KIAA0825: variants seen among roughly 807,000 people sequenced by gnomAD.
KIAA0825 encodes KIAA0825.
In KIAA0825, 119 loss-of-function variants were observed where a neutral mutation model predicts 147.6. That is an observed-to-expected ratio of 0.81 (90% confidence interval 0.69 to 0.94). The LOEUF is 0.94. Among genes scored for constraint, KIAA0825 ranks in the 40% least tolerant of loss-of-function variants. The pLI is 0.00. For synonymous variants in KIAA0825, 470 were observed against 518.1 expected (o/e 0.91, Z 1.26); for missense variants, 1,381 against 1,472.7 (o/e 0.94, Z 1.02).
intron 8 of KIAA0825, among the ~76,000 whole-genome samples, chr5:94,472,908 G>C (rs917978455): frequency 1.2e-4 from 19 of 152,274 alleles, no homozygotes; most frequent in African/African-American, 4.1e-4. Context: ...GAGATGAAAA[G>C]CTCATTAAGG....
chr5:94,569,068 G>C, intron 2 of KIAA0825: 1 of 170,850 alleles, frequency 5.9e-6, no homozygotes. Flanking sequence ...CCGAATCAAT[G>C]CTGGCCCCTC....
At position 94,152,716 on chromosome 5, in the gene KIAA0825, G is replaced by A. The variant is rs1426177683; in HGVS notation, c.*1291C>T. On this transcript the variant is annotated 3_prime_UTR_variant, in exon 21 of 21. Transcript: ENST00000682413. ...TGTAGTTCTAGCTACTCAGGAGGCT[G>A]AGGTGGGAGTATTGCTTGAGCCTAT... Among the ~76,000 whole-genome samples, 3 of 146,896 alleles carry A rather than the reference G, an allele frequency of 2.0e-5. No individual in the cohort carries two copies. Among genetic ancestry groups the A allele is most frequent in the East Asian group, 4.0e-4 (2 of 4,962 alleles).
chr5:94,403,699 A>T lies in KIAA0825; in HGVS notation c.2757T>A (p.Ser919=). 1 of 1,551,588 alleles carries T rather than the reference A, an allele frequency of 6.4e-7. No individual in the cohort carries two copies. The highest frequency in any genetic ancestry group is 1.4e-5 in the African/African-American group (1 of 73,164). ...AIKDTVQQIV[S]VMSSRRNCET... Reference sequence around the variant, plus strand: ...CACAGTTTCTCCTAGAACTCATTACAGATACTATCTGCTGTACAGTGTCCT... The same window carrying T: ...CACAGTTTCTCCTAGAACTCATTACTGATACTATCTGCTGTACAGTGTCCT... Residue 919 remains serine, a synonymous_variant, in exon 16 of 21, where the codon TCT becomes TCA. Coordinates refer to ENST00000682413, the MANE Select transcript of KIAA0825 (RefSeq NM_001145678.3).
intron 20 of KIAA0825, among the ~76,000 whole-genome samples, chr5:94,239,129 T>A (rs1380408696): frequency 6.6e-6 from 1 of 152,064 alleles, no homozygotes; most frequent in Non-Finnish European, 1.5e-5. Flanking sequence ...CTAGGAAAAA[T>A]GAATGGAATG....
chr5:94,515,556 C>A (rs901393587), intron 5 of KIAA0825, among the ~76,000 whole-genome samples: 17 of 152,114 alleles, frequency 1.1e-4, no homozygotes, highest in African/African-American at 3.6e-4. Context: ...CTTTGGGAGG[C>A]CAAGGCGGGT....
At chr5:94,610,896 C>T (rs2152438604) in intron 1 of KIAA0825, among the ~76,000 whole-genome samples, 1 of 151,088 alleles carries the variant, frequency 6.6e-6, no homozygotes, top group Admixed American at 6.6e-5. Context: ...CAGTATAACG[C>T]TCTTCAAAAT....
intron 12 of KIAA0825, among the ~76,000 whole-genome samples, chr5:94,453,930 T>C (rs1191117539): frequency 6.6e-6 from 1 of 151,866 alleles, no homozygotes; most frequent in African/African-American, 2.4e-5. Flanking sequence ...TTAATTAGAA[T>C]TTATAATTAA....
chr5:94,337,324 A>T (rs1160538767), intron 20 of KIAA0825, among the ~76,000 whole-genome samples: 2 of 152,144 alleles, frequency 1.3e-5, no homozygotes, highest in Non-Finnish European at 2.9e-5. Context: ...AACTTGTGTG[A>T]ATTTTGTAAT....
chr5:94,433,326 G>A lies in KIAA0825; in HGVS notation c.2497+6656C>T, dbSNP rs567459318. ...ACAGGCGTGAGCCACCGTGCCCGGC[G>A]ATTCATTCATTTTAAGGCAACAGTT... On this transcript the variant is annotated intron_variant, in intron 14 of 20. Transcript: ENST00000682413. Among the ~76,000 whole-genome samples the A allele has an allele frequency of 3.9e-5, 6 of 152,242 alleles. No homozygotes were observed. The East Asian group carries it at 5.8e-4, about 15-fold the overall frequency.
intron 20 of KIAA0825, among the ~76,000 whole-genome samples, chr5:94,175,944 A>T (rs1055556225): frequency 6.6e-6 from 1 of 152,140 alleles, no homozygotes; most frequent in African/African-American, 2.4e-5. Context: ...ATCCTCATTG[A>T]TGTCTAAATT....
intron 14 of KIAA0825, among the ~76,000 whole-genome samples, chr5:94,417,677 C>G (rs531594659): frequency 4.6e-4 from 70 of 152,226 alleles, no homozygotes; most frequent in Non-Finnish European, 7.9e-4. Context: ...TCTTCTTTCT[C>G]TTAAGGAAAA....
intron 20 of KIAA0825, among the ~76,000 whole-genome samples, chr5:94,372,777 T>G (rs961898112): frequency 6.6e-6 from 1 of 152,256 alleles, no homozygotes; most frequent in Non-Finnish European, 1.5e-5. Flanking sequence ...TATGCAAATT[T>G]CTGCAGTGGG....
intron 20 of KIAA0825, among the ~76,000 whole-genome samples, chr5:94,259,264 G>A (rs1295198573): frequency 6.6e-6 from 1 of 151,930 alleles, no homozygotes; most frequent in Non-Finnish European, 1.5e-5. Context: ...CATTTTATCT[G>A]TAACAGGGAA....
intron 13 of KIAA0825, among the ~76,000 whole-genome samples, chr5:94,446,725 G>A (rs762407658): frequency 9.9e-5 from 15 of 152,088 alleles, no homozygotes; most frequent in South Asian, 2.1e-4. Flanking sequence ...TAAGGATAAC[G>A]GTGAATTCAT....
chr5:94,500,840 C>T (rs774130618), intron 5 of KIAA0825, among the ~76,000 whole-genome samples: 1 of 152,236 alleles, frequency 6.6e-6, no homozygotes, highest in East Asian at 1.9e-4. Context: ...TGCAATGGCT[C>T]GATCTCAGCT....
At chr5:94,344,264 T>TA (rs1172054496) in intron 20 of KIAA0825, among the ~76,000 whole-genome samples, 3 of 152,026 alleles carry the variant, frequency 2.0e-5, no homozygotes, top group Non-Finnish European at 4.4e-5. Context: ...TACACAGTAA[T>TA]AAAAAATATA....
intron 1 of KIAA0825, among the ~76,000 whole-genome samples, chr5:94,614,484 C>T (rs973088155): frequency 5.9e-5 from 9 of 152,210 alleles, no homozygotes; most frequent in African/African-American, 2.2e-4. Context: ...CAGTTATCTA[C>T]AGCTTGTCCT....
chr5:94,285,926 A>G (rs1238244455), intron 20 of KIAA0825, among the ~76,000 whole-genome samples: 1 of 152,168 alleles, frequency 6.6e-6, no homozygotes, highest in Non-Finnish European at 1.5e-5. Context: ...GCTAGTCCTC[A>G]AAGAAACTTT....
Position 94,386,388 on chromosome 5 carries a change from T to C in KIAA0825, c.3473A>G (p.Gln1158Arg). The change falls in exon 19 of 21, where the codon CAG becomes CGG. Residue 1158 changes from glutamine to arginine, a missense_variant. Coordinates refer to ENST00000682413, the MANE Select transcript of KIAA0825 (RefSeq NM_001145678.3). ...MQLNEEYLKEQLFSMNSSEEK... is the reference protein window; with the variant it reads ...MQLNEEYLKERLFSMNSSEEK... ...CTCTGAACTATTCATAGAAAACAGC[T>C]GTTCTTTTAAATATTCCTTCAAAGA... 6.5e-7 allele frequency: 1 copy of C among 1,546,626 alleles called. No individual in the cohort carries two copies. Among genetic ancestry groups the C allele is most frequent in the Non-Finnish European group, 8.7e-7 (1 of 1,145,560 alleles).
Sources: allele counts gnomAD v4.1 joint callset (sites outside exome capture counted in the v4.1 genomes callset), GRCh38; gene constraint gnomAD v4.1.1; transcripts MANE v1.5; gene names NCBI Gene and HGNC (gene_info 2026-07-23, HGNC 2026-07-21).